Variants in ZNF471 observed in about 807,000 individuals in gnomAD.
ZNF471 encodes the protein EZFIT-related protein 1.
In ZNF471, 7 loss-of-function variants were observed where a neutral mutation model predicts 13.7. The observed-to-expected ratio is 0.51, with a 90% CI of 0.29 to 0.96. ZNF471 has a LOEUF of 0.96. Ranked by LOEUF, ZNF471 falls within the 40% of genes least tolerant of loss-of-function variation. ZNF471 has a pLI of 0.08. For synonymous variants in ZNF471, 218 were observed against 235.6 expected (o/e 0.93, Z 0.68); for missense variants, 663 against 743.3 (o/e 0.89, Z 1.26).
rs924276043 is a variant in ZNF471 at position 56,510,966 on chromosome 19, G to A, written c.-55-551G>A. ...AGAATTGAGTGCTAAAGGTTCCATC[G>A]TTTCAGGGTGAGGAAAGTGAAACAG... On this transcript the variant is annotated intron_variant, in intron 1 of 4. Transcript: ENST00000308031. This position sits in a 1 kb window ranked among gnomAD's most constrained non-coding sequence, Gnocchi z 4.3. The A allele has an allele frequency of 5.1e-6, 5 of 985,324 alleles. No homozygotes were observed. Among genetic ancestry groups the A allele is most frequent in the South Asian group, 4.7e-5 (1 of 21,280 alleles). The allele number at this position is 985,324 out of a possible 1,614,324, so 61.0% of individuals were successfully genotyped here.
At chr19:56,511,463 C>T (rs2043810729) in intron 1 of ZNF471, 54 bp from the exon 2 acceptor site, 1 of 1,368,862 alleles carries the variant, frequency 7.3e-7, no homozygotes, top group Non-Finnish European at 1.0e-6. Context: ...GCTAGTGATT[C>T]TGGGAGTGCA....
rs3219817 is a variant in ZNF471, at chr19:56,508,229, CTGTG to C, written c.-56+330_-56+333del. 6.0e-3 allele frequency: 4,760 copies of C among 795,238 alleles called. 1 individual carries two copies. Among genetic ancestry groups the C allele is most frequent in the South Asian group, 0.011 (190 of 17,200 alleles). The allele number at this position is 795,238 out of a possible 1,614,324, so 49.3% of individuals were successfully genotyped here. On this transcript the variant is annotated intron_variant, in intron 1 of 4. Transcript: ENST00000308031. This position sits in a 1 kb window ranked among gnomAD's most constrained non-coding sequence, Gnocchi z 4.7. ...GAGGCTCCGTGAGAGGGTGTGGTTT[CTGTG>C]TGTGTGTGTGTGTGTGTGTGACAGA...
intron 1 of ZNF471, chr19:56,509,970 CAT>C: frequency 2.0e-6 from 2 of 985,458 alleles, no homozygotes; most frequent in South Asian, 9.4e-5. Context: ...TGAGAAAGAT[CAT>C]GTGTGTGTCT....
intron 2 of ZNF471, among the ~76,000 whole-genome samples, chr19:56,513,992 T>G (rs1320712717): frequency 6.6e-6 from 1 of 151,986 alleles, no homozygotes; most frequent in African/African-American, 2.4e-5. Context: ...TGAACCAATA[T>G]TGATATGTTA....
rs1484012673 is a variant in ZNF471 at position 56,518,551 on chromosome 19, G to A, written c.230G>A (p.Ser77Asn). The change falls in exon 4 of 5, where the codon AGT (serine) becomes AAT (asparagine). Residue 77 changes from serine (S) to asparagine (N), a missense_variant. Physicochemically the swap from Ser to Asn is conservative, Grantham distance 46. Coordinates refer to ENST00000308031, the MANE Select transcript of ZNF471 (RefSeq NM_020813.4). Reference protein sequence around the residue: ...EQGREPWEMTSEMTRSPFSDW... With the variant: ...EQGREPWEMTNEMTRSPFSDW... ...GGGAGAGAGCCTTGGGAGATGACGA[G>A]TGAGATGACAAGAAGCCCATTCTCA... 6.2e-7 allele frequency: 1 copy of A among 1,613,756 alleles called. No homozygotes were observed. The highest frequency in any genetic ancestry group is 8.5e-7 in the Non-Finnish European group (1 of 1,179,864).
chr19:56,511,776 T>C (rs997499761), intron 2 of ZNF471, among the ~76,000 whole-genome samples, 172 bp downstream of exon 2: 21 of 152,096 alleles, frequency 1.4e-4, no homozygotes, highest in African/African-American at 5.1e-4. Flanking sequence ...AGTAATAGCT[T>C]AGTATAAAAA....
At chr19:56,515,644 A>G (rs188035017) in intron 2 of ZNF471, among the ~76,000 whole-genome samples, 49 of 152,356 alleles carry the variant, frequency 3.2e-4, no homozygotes, top group African/African-American at 1.0e-3. Context: ...TTAAGAAGAT[A>G]TTCATTTTCA....
chr19:56,521,310 A>G (rs138823780), intron 4 of ZNF471, among the ~76,000 whole-genome samples: 49 of 152,316 alleles, frequency 3.2e-4, no homozygotes, highest in African/African-American at 1.0e-3. Context: ...ACACAAGATT[A>G]TGATGGAACT....
In ZNF471 at chr19:56,508,267, C is replaced by T. The variant is rs994998657; in HGVS notation, c.-56+347C>T. The T allele has an allele frequency of 2.5e-6, 2 of 798,906 alleles. No individual in the cohort carries two copies. Among genetic ancestry groups the T allele is most frequent in the African/African-American group, 4.2e-5 (2 of 47,310 alleles). 49.5% of individuals were successfully genotyped at this position (798,906 alleles called of 1,614,324 possible). On this transcript the variant is annotated intron_variant, in intron 1 of 4. Transcript: ENST00000308031. The surrounding 1 kb of genome is among the most constrained non-coding windows in gnomAD (Gnocchi z 4.7). ...TGTGTGTGTGTGACAGACCGAGAGT[C>T]CAGTGTGAGACCAGGGTATGTTCGT...
intron 4 of ZNF471, among the ~76,000 whole-genome samples, chr19:56,523,169 T>C (rs1262653676): frequency 6.6e-6 from 1 of 152,220 alleles, no homozygotes; most frequent in Non-Finnish European, 1.5e-5. Context: ...CATATCATTA[T>C]AAAATTCATT....
chr19:56,512,951 T>G (rs943631310), intron 2 of ZNF471, among the ~76,000 whole-genome samples: 1 of 152,324 alleles, frequency 6.6e-6, no homozygotes, highest in East Asian at 1.9e-4. Context: ...AACATTTACA[T>G]GGATTCTGGG....
chr19:56,519,234 G>C (rs897900126), intron 4 of ZNF471, among the ~76,000 whole-genome samples: 3 of 152,128 alleles, frequency 2.0e-5, no homozygotes, highest in Non-Finnish European at 4.4e-5. Context: ...GTCACAGGCA[G>C]TATCATTCTT....
chr19:56,513,906 T>C (rs917262442), intron 2 of ZNF471, among the ~76,000 whole-genome samples: 1 of 152,038 alleles, frequency 6.6e-6, no homozygotes, highest in Non-Finnish European at 1.5e-5. Flanking sequence ...GCAGAGATAG[T>C]GTAGAGAAAT....
At chr19:56,517,796 C>T (rs1191756060) in intron 3 of ZNF471, among the ~76,000 whole-genome samples, 1 of 152,156 alleles carries the variant, frequency 6.6e-6, no homozygotes, top group Non-Finnish European at 1.5e-5. Context: ...TATCCTTACC[C>T]TCAATGTTTG....
At chr19:56,523,038 T>G (rs1322701839) in intron 4 of ZNF471, among the ~76,000 whole-genome samples, 6 of 152,340 alleles carry the variant, frequency 3.9e-5, no homozygotes, top group African/African-American at 1.4e-4. Flanking sequence ...ACCTGGCCGA[T>G]GTTGCAATAA....
chr19:56,519,042 T>C (rs2043933664), intron 4 of ZNF471, among the ~76,000 whole-genome samples: 2 of 152,146 alleles, frequency 1.3e-5, no homozygotes, highest in African/African-American at 4.8e-5. Flanking sequence ...CCTACTTCTA[T>C]AACCTCATTC....
chr19:56,509,232 G>T (rs2043776733), intron 1 of ZNF471, among the ~76,000 whole-genome samples: 1 of 152,148 alleles, frequency 6.6e-6, no homozygotes, highest in Non-Finnish European at 1.5e-5. Context: ...ATCATCAGTG[G>T]TCAGTGATTT....
rs73629909 is a variant in ZNF471 at position 56,511,500 on chromosome 19, C to T, written c.-55-17C>T. On this transcript the variant is annotated splice_polypyrimidine_tract_variant and intron_variant, in intron 1 of 4. Coordinates refer to ENST00000308031, the MANE Select transcript of ZNF471 (RefSeq NM_020813.4). ...CATCTCTGGCCTCATCTCTCTCTAACCTTTCCCTTCCTTCAGCCTTGCCCT... is the reference window on the plus strand; with the variant it reads ...CATCTCTGGCCTCATCTCTCTCTAATCTTTCCCTTCCTTCAGCCTTGCCCT... 4.1e-3 allele frequency: 6,544 copies of T among 1,597,894 alleles called. 197 individuals carry two copies. In the African/African-American group the frequency reaches 0.073, roughly 18 times the overall value.
At position 56,511,580 on chromosome 19, in the gene ZNF471, T is replaced by C. The variant is rs1568471366; in HGVS notation, c.9T>C (p.Val3=). ...CAGAAGAGAAGGCAAAAATGAATGT[T>C]GAAGTAGTAAAAGTCATGCCCCAGG... MN[V]EVVKVMPQDL... is the part of the protein sequence containing the mutation. Residue 3 remains valine (V), a synonymous_variant, in exon 2 of 5, where the codon GTT becomes GTC. Transcript: ENST00000308031. 1 of 1,614,018 alleles carries C rather than the reference T, an allele frequency of 6.2e-7. No individual in the cohort carries two copies. Among genetic ancestry groups the C allele is most frequent in the Admixed American group, 1.7e-5 (1 of 60,002 alleles).
Sources: allele counts gnomAD v4.1 joint callset (sites outside exome capture counted in the v4.1 genomes callset), GRCh38; gene constraint gnomAD v4.1.1; non-coding constraint Gnocchi (gnomAD v3.1); transcripts MANE v1.5; gene names NCBI Gene and HGNC (gene_info 2026-07-23, HGNC 2026-07-21).